The following WDFY3 variants were observed in gnomAD, a reference collection of about 807,000 sequenced individuals.
WDFY3 encodes the protein WD repeat and FYVE domain containing 3, also known as WD repeat and FYVE domain-containing protein 3.
In WDFY3, 66 loss-of-function variants were observed where a neutral mutation model predicts 409.6. The observed-to-expected ratio is 0.16, with a 90% confidence interval of 0.13 to 0.20. WDFY3 has a LOEUF of 0.20. WDFY3 is among the 10% of genes least tolerant of loss of function. The probability of loss-of-function intolerance (pLI) is 1.00; values close to 1 mark genes in which losing one functional copy is unlikely to be tolerated. For synonymous variants in WDFY3, 1,521 were observed against 1,537.1 expected, an observed-to-expected ratio of 0.99 and a Z score of 0.25; for missense variants, 3,031 against 4,298.1, an observed-to-expected ratio of 0.71 and a Z score of 8.24.
At chr4:84,823,821 T>C (rs1754440437) in intron 10 of WDFY3, among the ~76,000 whole-genome samples, 1 of 152,200 alleles carries the variant, frequency 6.6e-6, no homozygotes, top group Non-Finnish European at 1.5e-5. Flanking sequence ...ATTACTGATG[T>C]GAATGCAAAA....
chr4:84,821,022 CAAA>C, intron 11 of WDFY3, 59 bp downstream of exon 11: 1 of 1,420,350 alleles, frequency 7.0e-7, no homozygotes, highest in Non-Finnish European at 9.4e-7. Flanking sequence ...GGAACAAGAA[CAAA>C]AAATTCTCTG....
chr4:84,768,851 G>A (rs927254112), intron 30 of WDFY3, among the ~76,000 whole-genome samples: 4 of 152,124 alleles, frequency 2.6e-5, no homozygotes, highest in African/African-American at 7.2e-5. Flanking sequence ...TTATCTGATG[G>A]ATCTGGCCAA....
In WDFY3 at chr4:84,705,550, C is replaced by G. The variant is rs1167430813; in HGVS notation, c.8218-39G>C. 3 of 1,482,098 alleles carry G rather than the reference C, an allele frequency of 2.0e-6. No individual in the cohort carries two copies. In the Admixed American group the frequency reaches 5.0e-5, roughly 25 times the overall value. 91.8% of individuals were successfully genotyped at this position (1,482,098 alleles called of 1,614,324 possible). A position where few individuals can be genotyped will look rare whatever the true frequency, so the allele number is the denominator to read the frequency against. On this transcript the variant is annotated intron_variant, in intron 53 of 67. Coordinates refer to ENST00000295888, the MANE Select transcript of WDFY3 (RefSeq NM_014991.6). ...TGTAACTCAATTCCAAGTTACTATA[C>G]ACTATCTAGCCTCACTAACGTAGAT...
At chr4:84,849,861 C>A in intron 5 of WDFY3, 41 bp downstream of exon 5, 2 of 1,603,276 alleles carry the variant, frequency 1.2e-6, no homozygotes, top group South Asian at 2.3e-5. Context: ...ACTGCTTGTT[C>A]ATTCAAACAA....
chr4:84,813,541 A>G (rs1409932740), intron 13 of WDFY3, among the ~76,000 whole-genome samples: 1 of 152,172 alleles, frequency 6.6e-6, no homozygotes, highest in East Asian at 1.9e-4. Flanking sequence ...ATCCACATTC[A>G]GTGGCACATT....
At chr4:84,693,084 C>CTTTCCTTTTATGTTATGTTG in intron 58 of WDFY3, 52 bp from the exon 59 acceptor site, 1 of 1,550,012 alleles carries the variant, frequency 6.5e-7, no homozygotes. Context: ...CACTTATAAG[C>CTTTCCTTTTATGTTATGTTG]CCTTTTATAT....
At chr4:84,884,525 C>T (rs1358630686) in intron 3 of WDFY3, among the ~76,000 whole-genome samples, 1 of 151,820 alleles carries the variant, frequency 6.6e-6, no homozygotes, top group African/African-American at 2.4e-5. Flanking sequence ...CATTTAATTA[C>T]AATTAAAGAA....
At chr4:84,747,455 T>C (rs1480718875) in intron 36 of WDFY3, among the ~76,000 whole-genome samples, 2 of 152,284 alleles carry the variant, frequency 1.3e-5, no homozygotes, top group African/African-American at 2.4e-5. Flanking sequence ...TGTTTCCCTG[T>C]AGTTCCTCAG....
intron 36 of WDFY3, 59 bp downstream of exon 36, chr4:84,751,424 T>C (rs909365756): frequency 2.2e-4 from 332 of 1,532,062 alleles, no homozygotes; most frequent in Non-Finnish European, 2.9e-4. Flanking sequence ...GTTTGGTTAC[T>C]AATGTTCTAA....
intron 3 of WDFY3, among the ~76,000 whole-genome samples, chr4:84,872,548 A>C (rs1762266774): frequency 6.6e-6 from 1 of 152,286 alleles, no homozygotes; most frequent in African/African-American, 2.4e-5. Context: ...AGAAGGCAAG[A>C]AAAGAAGGGA....
intron 2 of WDFY3, among the ~76,000 whole-genome samples, chr4:84,898,804 A>T (rs1235508801): frequency 2.0e-5 from 3 of 152,200 alleles, no homozygotes; most frequent in Non-Finnish European, 4.4e-5. Flanking sequence ...AAAAAACACA[A>T]ACAACAACCT....
At chr4:84,820,784 C>T (rs191503201) in intron 11 of WDFY3, among the ~76,000 whole-genome samples, 1 of 152,140 alleles carries the variant, frequency 6.6e-6, no homozygotes, top group Non-Finnish European at 1.5e-5. Context: ...TTAAAGCTCG[C>T]TCTTAGAAGC....
intron 2 of WDFY3, among the ~76,000 whole-genome samples, chr4:84,897,367 CTT>C (rs1561029151): frequency 1.3e-5 from 2 of 151,870 alleles, no homozygotes; most frequent in Admixed American, 1.3e-4. Context: ...GGAAAATGCA[CTT>C]TTTTTATTTT....
rs755402994 is a variant in WDFY3, at chr4:84,821,085, T to C, written c.1590A>G (p.Gln530=). 1 of 1,601,590 alleles carries C rather than the reference T, an allele frequency of 6.2e-7. No individual in the cohort carries two copies. Among genetic ancestry groups the C allele is most frequent in the Non-Finnish European group, 8.5e-7 (1 of 1,175,112 alleles). ...LKDPTQALNE[Q]GDSRNNSSVE... ...ATAAAATTACAGACAATACTTTACC[T>C]TGTTCATTTAGTGCCTGAGTTGGAT... The change falls in exon 11 of 68, where the codon CAA becomes CAG. Residue 530 remains glutamine (Q), a splice_region_variant and synonymous_variant. Transcript: ENST00000295888.
chr4:84,962,832 C>A (rs989637882), intron 1 of WDFY3, among the ~76,000 whole-genome samples: 1 of 151,826 alleles, frequency 6.6e-6, no homozygotes, highest in Non-Finnish European at 1.5e-5. Flanking sequence ...CACCACCAGG[C>A]CAAGCTAATT....
intron 2 of WDFY3, among the ~76,000 whole-genome samples, chr4:84,905,516 A>G (rs1437606173): frequency 1.3e-5 from 2 of 152,078 alleles, no homozygotes; most frequent in African/African-American, 4.8e-5. Context: ...ACTAGATCTC[A>G]TCTATCCTTT....
At chr4:84,816,834 A>G (rs1753373062) in intron 13 of WDFY3, among the ~76,000 whole-genome samples, 1 of 152,106 alleles carries the variant, frequency 6.6e-6, no homozygotes, top group Admixed American at 6.6e-5. Flanking sequence ...TCTACTAATT[A>G]AAAGTCACTT....
At chr4:84,810,383 T>G (rs1423782034) in intron 13 of WDFY3, 39 bp from the exon 14 acceptor site, 2 of 1,144,280 alleles carry the variant, frequency 1.7e-6, no homozygotes, top group South Asian at 1.9e-5. Flanking sequence ...AAAATACACA[T>G]AATTCAAAAA....
chr4:84,887,790 C>G (rs1360791508), intron 3 of WDFY3, among the ~76,000 whole-genome samples: 2 of 152,174 alleles, frequency 1.3e-5, no homozygotes, highest in Non-Finnish European at 2.9e-5. Context: ...AATGGAAGCT[C>G]TTTGTCTTTA....
Sources: allele counts gnomAD v4.1 joint callset (sites outside exome capture counted in the v4.1 genomes callset), GRCh38; gene constraint gnomAD v4.1.1; transcripts MANE v1.5; gene names NCBI Gene and HGNC (gene_info 2026-07-23, HGNC 2026-07-21).